The following SHISA6 variants were observed in gnomAD, a reference collection of about 807,000 sequenced individuals.
SHISA6 encodes shisa family member 6, also known as protein shisa-6.
Under a neutral mutation model 47.9 loss-of-function variants are expected in SHISA6, and 22 were observed. The ratio of observed to expected loss-of-function variants is 0.46; its 90% CI spans 0.33 to 0.66. The LOEUF is 0.66. Ranked by LOEUF, SHISA6 falls within the 30% of genes least tolerant of loss-of-function variation. The pLI, the probability that SHISA6 is intolerant of heterozygous loss-of-function variation, is 0.02. For missense variants in SHISA6, 680 were observed against 764.6 expected (o/e 0.89, Z 1.30); for synonymous variants, 388 against 337.8 (o/e 1.15, Z -1.63).
Position 11,557,771 on chromosome 17 carries a change from G to C in SHISA6, c.1123G>C (p.Glu375Gln). 1.3e-6 allele frequency: 2 copies of C among 1,546,586 alleles called. No individual in the cohort carries two copies. Among genetic ancestry groups the C allele is most frequent in the Non-Finnish European group, 1.7e-6 (2 of 1,143,880 alleles). Residue 375 changes from glutamate to glutamine, a missense_variant, in exon 6 of 6, where the codon GAG becomes CAG. Coordinates refer to ENST00000441885, the MANE Select transcript of SHISA6 (RefSeq NM_207386.4). ...LKRLTDKEAD[E>Q]YYMRRRHLPD... Reference sequence around the variant, plus strand: ...CCCTGCAGCCGACAAGGAGGCTGACGAGTATTACATGAGACGGCGGCACCT... The same window carrying C: ...CCCTGCAGCCGACAAGGAGGCTGACCAGTATTACATGAGACGGCGGCACCT...
At chr17:11,252,123 C>T (rs1365693854) in intron 1 of SHISA6, among the ~76,000 whole-genome samples, 2 of 152,098 alleles carry the variant, frequency 1.3e-5, no homozygotes, top group Non-Finnish European at 2.9e-5. Context: ...ACACTTGGAC[C>T]CCTCCTTGCC....
intron 3 of SHISA6, among the ~76,000 whole-genome samples, chr17:11,401,936 A>G (rs891312020): frequency 1.4e-4 from 21 of 152,198 alleles, no homozygotes; most frequent in African/African-American, 4.6e-4. Flanking sequence ...TCCTCCACAC[A>G]TACGCATTGC....
At chr17:11,292,886 A>G (rs549939285) in intron 2 of SHISA6, among the ~76,000 whole-genome samples, 1 of 145,754 alleles carries the variant, frequency 6.9e-6, no homozygotes, top group Admixed American at 7.1e-5. Flanking sequence ...GTGCAATGGC[A>G]TGATCTTGGC....
At chr17:11,417,095 A>G (rs1057502205) in intron 3 of SHISA6, among the ~76,000 whole-genome samples, 2 of 152,200 alleles carry the variant, frequency 1.3e-5, no homozygotes, top group African/African-American at 4.8e-5. Flanking sequence ...GACAACAACA[A>G]CAACAACAAT....
At chr17:11,455,906 G>T (rs1010770445) in intron 3 of SHISA6, among the ~76,000 whole-genome samples, 11 of 152,246 alleles carry the variant, frequency 7.2e-5, no homozygotes, top group African/African-American at 2.6e-4. Context: ...AAATCCTGTT[G>T]ATACTAAAAT....
intron 3 of SHISA6, among the ~76,000 whole-genome samples, chr17:11,484,469 T>C (rs1286658820): frequency 6.6e-6 from 1 of 152,196 alleles, no homozygotes; most frequent in Non-Finnish European, 1.5e-5. Flanking sequence ...GACATGATCT[T>C]GGCTCACTGC....
At chr17:11,279,618 T>G (rs4792117) in intron 2 of SHISA6, among the ~76,000 whole-genome samples, 116,599 of 151,868 alleles carry the variant, frequency 0.77, 45,372 homozygotes, top group Non-Finnish European at 0.84. Flanking sequence ...GGTAATAGAG[T>G]CTTAGGAAGG....
intron 2 of SHISA6, among the ~76,000 whole-genome samples, chr17:11,348,891 A>G (rs575372984): frequency 4.5e-4 from 68 of 152,344 alleles, no homozygotes; most frequent in African/African-American, 1.3e-3. Context: ...GAGCAAACAT[A>G]GAAACAAGTA....
At chr17:11,454,577 G>T (rs2142308543) in intron 3 of SHISA6, among the ~76,000 whole-genome samples, 1 of 152,204 alleles carries the variant, frequency 6.6e-6, no homozygotes, top group East Asian at 1.9e-4. Context: ...TGAGTTCCCA[G>T]ACCAAGCTGA....
At chr17:11,311,226 G>C (rs1055252391) in intron 2 of SHISA6, among the ~76,000 whole-genome samples, 2 of 145,176 alleles carry the variant, frequency 1.4e-5, no homozygotes, top group African/African-American at 5.1e-5. Context: ...AGGTTGCAGT[G>C]AGCCAATATC....
chr17:11,243,645 C>T (rs904035812), intron 1 of SHISA6, among the ~76,000 whole-genome samples: 4 of 152,164 alleles, frequency 2.6e-5, no homozygotes, highest in South Asian at 2.1e-4. Context: ...TTTTCTGTCT[C>T]GGCTCAGTGT....
intron 3 of SHISA6, among the ~76,000 whole-genome samples, chr17:11,504,249 T>G (rs2071478810): frequency 6.6e-6 from 1 of 152,136 alleles, no homozygotes; most frequent in Non-Finnish European, 1.5e-5. Context: ...GTGTGAAATC[T>G]CAAAGTGCAG....
chr17:11,439,667 T>C (rs1371582171), intron 3 of SHISA6, among the ~76,000 whole-genome samples: 1 of 151,858 alleles, frequency 6.6e-6, no homozygotes, highest in Non-Finnish European at 1.5e-5. Context: ...ATAAAGCAGG[T>C]AAAAAAAATT....
chr17:11,369,629 C>T (rs181860161), intron 2 of SHISA6, among the ~76,000 whole-genome samples: 2 of 152,352 alleles, frequency 1.3e-5, no homozygotes, highest in Non-Finnish European at 1.5e-5. Context: ...AACCTGTATT[C>T]TCATAAGACG....
At chr17:11,378,348 C>T (rs1266135724) in intron 2 of SHISA6, among the ~76,000 whole-genome samples, 2 of 150,230 alleles carry the variant, frequency 1.3e-5, no homozygotes, top group East Asian at 1.9e-4. Flanking sequence ...TGTGTGTGTG[C>T]GCGCACATGC....
intron 3 of SHISA6, among the ~76,000 whole-genome samples, chr17:11,486,110 G>A (rs777163504): frequency 7.2e-5 from 11 of 152,172 alleles, no homozygotes; most frequent in Non-Finnish European, 1.5e-4. Context: ...GGAGGCCTCT[G>A]CCGCAGCTCA....
intron 2 of SHISA6, among the ~76,000 whole-genome samples, chr17:11,323,774 A>G (rs931909462): frequency 2.0e-5 from 3 of 152,228 alleles, no homozygotes; most frequent in African/African-American, 7.2e-5. Context: ...CAGCACGCCA[A>G]TGACCCCTTT....
At chr17:11,275,181 G>A (rs1449842666) in intron 2 of SHISA6, among the ~76,000 whole-genome samples, 2 of 151,236 alleles carry the variant, frequency 1.3e-5, no homozygotes, top group African/African-American at 4.9e-5. Flanking sequence ...CATATGGACT[G>A]TGTCCCTGGT....
At chr17:11,525,802 A>G (rs2071674572) in intron 3 of SHISA6, among the ~76,000 whole-genome samples, 1 of 151,970 alleles carries the variant, frequency 6.6e-6, no homozygotes, top group Admixed American at 6.6e-5. Context: ...CAAGGGTTTG[A>G]GACTAGCCTG....
Sources: allele counts gnomAD v4.1 joint callset (sites outside exome capture counted in the v4.1 genomes callset), GRCh38; gene constraint gnomAD v4.1.1; transcripts MANE v1.5; gene names NCBI Gene and HGNC (gene_info 2026-07-23, HGNC 2026-07-21).